Variants in CTNNA3 observed in about 807,000 individuals in gnomAD.
CTNNA3 encodes the protein catenin alpha 3, also known as catenin alpha-3.
CTNNA3 carries 76 observed loss-of-function variants against 95.7 expected under a neutral mutation model. That is an observed-to-expected ratio of 0.79 (90% CI 0.66 to 0.96). The LOEUF is 0.96. Ranked by LOEUF, CTNNA3 falls within the 40% of genes least tolerant of loss-of-function variation. The pLI, the probability that CTNNA3 is intolerant of heterozygous loss-of-function variation, is 0.00. For missense variants in CTNNA3, 1,191 were observed against 1,089.8 expected (o/e 1.09, Z -1.31); for synonymous variants, 431 against 374.4 (o/e 1.15, Z -1.74).
intron 4 of CTNNA3, among the ~76,000 whole-genome samples, chr10:67,524,379 C>T (rs1840076100): frequency 1.6e-5 from 2 of 124,628 alleles, no homozygotes; most frequent in African/African-American, 6.3e-5. Context: ...GCCTGGGCGA[C>T]AGCGAGACTC....
intron 5 of CTNNA3, among the ~76,000 whole-genome samples, chr10:67,483,111 G>A (rs1474159506): frequency 3.3e-5 from 5 of 151,754 alleles, no homozygotes; most frequent in African/African-American, 1.2e-4. Context: ...AAAAGGTCAG[G>A]ACACAACAGG....
intron 7 of CTNNA3, among the ~76,000 whole-genome samples, chr10:67,014,063 T>G (rs1852506309): frequency 6.6e-6 from 1 of 152,150 alleles, no homozygotes; most frequent in African/African-American, 2.4e-5. Flanking sequence ...AAATAACCTT[T>G]TTTCCCCTTA....
intron 4 of CTNNA3, among the ~76,000 whole-genome samples, chr10:67,523,307 A>G (rs1172884699): frequency 6.6e-6 from 1 of 152,246 alleles, no homozygotes; most frequent in African/African-American, 2.4e-5. Context: ...GAAACTAGAC[A>G]TGAAATTCGG....
intron 2 of CTNNA3, among the ~76,000 whole-genome samples, chr10:67,627,418 A>C (rs1242529170): frequency 2.0e-5 from 3 of 152,226 alleles, no homozygotes; most frequent in Non-Finnish European, 1.5e-5. Flanking sequence ...GCCTTAGTTA[A>C]GATAAAATTA....
chr10:67,741,962 C>A (rs925389302), intron 1 of CTNNA3, among the ~76,000 whole-genome samples: 1 of 151,144 alleles, frequency 6.6e-6, no homozygotes, highest in Admixed American at 6.6e-5. Context: ...CTAACTATCC[C>A]AAATATTGGG....
chr10:66,095,058 T>A (rs151203946), intron 14 of CTNNA3, among the ~76,000 whole-genome samples: 244 of 152,238 alleles, frequency 1.6e-3, no homozygotes, highest in Admixed American at 2.7e-3. Context: ...TACAGATGCC[T>A]GTGATTATTT....
At chr10:67,041,257 C>A (rs1261804204) in intron 7 of CTNNA3, among the ~76,000 whole-genome samples, 1 of 152,002 alleles carries the variant, frequency 6.6e-6, no homozygotes, top group Non-Finnish European at 1.5e-5. Flanking sequence ...GAATGTGAAC[C>A]AACTAGTGCT....
intron 9 of CTNNA3, among the ~76,000 whole-genome samples, chr10:66,759,125 G>A (rs1839494548): frequency 6.6e-6 from 1 of 152,092 alleles, no homozygotes; most frequent in Non-Finnish European, 1.5e-5. Context: ...ATTTTCAAAA[G>A]GAAAATGTCA....
chr10:67,134,577 C>T (rs1860199334), intron 7 of CTNNA3, among the ~76,000 whole-genome samples: 4 of 152,048 alleles, frequency 2.6e-5, no homozygotes, highest in Admixed American at 2.6e-4. Flanking sequence ...TGACCCTGAA[C>T]TTTGAGCACC....
chr10:67,467,683 TGTAA>T (rs1847648426), intron 5 of CTNNA3, among the ~76,000 whole-genome samples: 1 of 151,752 alleles, frequency 6.6e-6, no homozygotes, highest in Non-Finnish European at 1.5e-5. Context: ...CTAGTGTGAC[TGTAA>T]GTTTCTTTAT....
chr10:67,020,016 A>C (rs1239978414), intron 7 of CTNNA3, among the ~76,000 whole-genome samples: 1 of 2,428 alleles, frequency 4.1e-4, no homozygotes, highest in South Asian at 0.25. Context: ...TACCAATATC[A>C]ACTGCTTTCC....
chr10:67,303,533 A>G (rs1444732145), intron 5 of CTNNA3, among the ~76,000 whole-genome samples: 1 of 152,032 alleles, frequency 6.6e-6, no homozygotes, highest in East Asian at 1.9e-4. Flanking sequence ...TTTTGATAAA[A>G]CTCCAAAACA....
chr10:67,382,563 G>GCT (rs1446207521), intron 5 of CTNNA3, among the ~76,000 whole-genome samples: 1 of 151,982 alleles, frequency 6.6e-6, no homozygotes, highest in East Asian at 1.9e-4. Flanking sequence ...TGACAACATG[G>GCT]CTCTCATCAT....
Position 67,511,291 on chromosome 10 carries a change from C to T in CTNNA3, c.579+10551G>A, listed in dbSNP as rs143289155. On this transcript the variant is annotated intron_variant, in intron 5 of 17. Coordinates refer to ENST00000433211, the MANE Select transcript of CTNNA3 (RefSeq NM_013266.4). Reference sequence around the variant, plus strand: ...TGCCAGTTTTCAAAAGGAATGAATGCTTCCAGTTTTTGCCCAGTCAGTATG... The same window carrying T: ...TGCCAGTTTTCAAAAGGAATGAATGTTTCCAGTTTTTGCCCAGTCAGTATG... Among the ~76,000 whole-genome samples, 706 of 152,262 alleles carry T rather than the reference C, an allele frequency of 4.6e-3. 7 individuals are homozygous for T. The highest frequency in any genetic ancestry group is 0.016 in the African/African-American group (682 of 41,550).
At chr10:67,335,112 C>T (rs1286770275) in intron 5 of CTNNA3, among the ~76,000 whole-genome samples, 6 of 152,152 alleles carry the variant, frequency 3.9e-5, no homozygotes, top group Admixed American at 2.6e-4. Context: ...GGGGTTTCCA[C>T]ATTCTCCCCA....
At chr10:67,566,798 T>G in intron 3 of CTNNA3, among the ~76,000 whole-genome samples, 1 of 151,820 alleles carries the variant, frequency 6.6e-6, no homozygotes, top group East Asian at 1.9e-4. Context: ...TAGACTGGAT[T>G]AAGAAAATGT....
chr10:66,140,817 C>T (rs2083574909), intron 13 of CTNNA3, among the ~76,000 whole-genome samples: 1 of 152,198 alleles, frequency 6.6e-6, no homozygotes, highest in Admixed American at 6.5e-5. Context: ...TTGGATAGTT[C>T]ATGGAGAGTA....
intron 10 of CTNNA3, among the ~76,000 whole-genome samples, chr10:66,532,031 G>C (rs1195335827): frequency 6.6e-6 from 1 of 151,994 alleles, no homozygotes; most frequent in Non-Finnish European, 1.5e-5. Context: ...TTTTTTTAAA[G>C]GACTTTTATG....
chr10:67,033,809 C>T (rs1039167427), intron 7 of CTNNA3, among the ~76,000 whole-genome samples: 1 of 152,046 alleles, frequency 6.6e-6, no homozygotes, highest in Admixed American at 6.6e-5. Flanking sequence ...CTCACTCTGT[C>T]GCCCAGGCTG....
Sources: allele counts gnomAD v4.1 joint callset (sites outside exome capture counted in the v4.1 genomes callset), GRCh38; gene constraint gnomAD v4.1.1; transcripts MANE v1.5; gene names NCBI Gene and HGNC (gene_info 2026-07-23, HGNC 2026-07-21).